Variants in GAB4 observed in about 807,000 individuals in gnomAD.
The protein encoded by GAB4 is GRB2 associated binding protein family member 4.
GAB4 carries 26 observed loss-of-function variants against 51.3 expected under a neutral mutation model. That is an observed-to-expected ratio of 0.51 (90% confidence interval 0.37 to 0.70). The LOEUF (loss-of-function observed/expected upper bound fraction) is 0.70, where lower values mean the gene tolerates loss of function less well. GAB4 is among the 30% of genes least tolerant of loss of function. The pLI is 0.00. For missense variants in GAB4, 759 were observed against 734.6 expected (o/e 1.03, Z -0.38); for synonymous variants, 329 against 291.2 (o/e 1.13, Z -1.32).
chr22:16,997,528 T>C (rs2060959589), intron 1 of GAB4, among the ~76,000 whole-genome samples: 1 of 152,254 alleles, frequency 6.6e-6, no homozygotes, highest in Non-Finnish European at 1.5e-5. Context: ...TCTTTGTAGA[T>C]TCTGGATATT....
intron 3 of GAB4, among the ~76,000 whole-genome samples, chr22:16,984,110 A>T (rs1306370598): frequency 6.6e-6 from 1 of 152,214 alleles, no homozygotes; most frequent in Admixed American, 6.5e-5. Flanking sequence ...ATGGACAAAA[A>T]AATCAAATAA....
chr22:16,986,343 CTG>C (rs2060867508), intron 3 of GAB4, among the ~76,000 whole-genome samples: 1 of 152,240 alleles, frequency 6.6e-6, no homozygotes, highest in Non-Finnish European at 1.5e-5. Flanking sequence ...ACACGAAGCA[CTG>C]TGTCTTTTAC....
Position 16,966,236 on chromosome 22 carries a change from G to C in GAB4, c.1152C>G (p.Ile384Met), listed in dbSNP as rs757955159. Residue 384 changes from isoleucine (I) to methionine (M), a missense_variant, in exon 6 of 10, where the codon ATC becomes ATG. By Grantham distance (10) the Ile-to-Met change is conservative. Around this residue, in one of 3 missense-constraint regions of GAB4, gnomAD observed 588 missense variants for 510.2 expected, o/e 1.15. Transcript: ENST00000400588. ...AGCGAACAAGACATGAGCCCACAGG[G>C]ATGCAGACACCCTGGGAATCATCGC... The part of the protein sequence containing the change: ...QAGDDSQGVC[I>M]PVGSCLVRFD... The C allele has an allele frequency of 5.0e-6, 8 of 1,614,000 alleles. No homozygotes were observed. In the Admixed American group the frequency reaches 1.0e-4, roughly 20 times the overall value.
Position 16,981,946 on chromosome 22 carries a change from T to A in GAB4, c.686+6014A>T, listed in dbSNP as rs151106158. Among the ~76,000 whole-genome samples the A allele has an allele frequency of 4.5e-4, 69 of 152,176 alleles. 1 individual carries two copies. In the East Asian group the frequency reaches 0.012, roughly 26 times the overall value. On this transcript the variant is annotated intron_variant, in intron 3 of 9. Transcript: ENST00000400588. ...AACATGATACACCACATTAATAGAT[T>A]CAAAAACAAAAACCATATGATCATT...
chr22:16,965,177 C>A lies in GAB4; in HGVS notation c.1379+1G>T. ...TCCTGTTTCCACTGACAGACACTCACCTGGTCCCAGACCAGGGCTCTGTGA... is the reference window on the plus strand; with the variant it reads ...TCCTGTTTCCACTGACAGACACTCAACTGGTCCCAGACCAGGGCTCTGTGA... On this transcript the variant is annotated splice_donor_variant, in intron 7 of 9. Coordinates refer to ENST00000400588, the MANE Select transcript of GAB4 (RefSeq NM_001037814.1). LOFTEE classifies it high-confidence loss of function. 1.2e-6 allele frequency: 2 copies of A among 1,610,660 alleles called. No individual in the cohort carries two copies. Among genetic ancestry groups the A allele is most frequent in the South Asian group, 2.2e-5 (2 of 90,734 alleles).
chr22:17,000,604 T>C (rs2060989816), intron 1 of GAB4, among the ~76,000 whole-genome samples: 1 of 152,220 alleles, frequency 6.6e-6, no homozygotes, highest in South Asian at 2.1e-4. Context: ...TTTGCCAGTC[T>C]GTGTCTTTTA....
chr22:16,979,279 C>G (rs1282365968), intron 3 of GAB4, among the ~76,000 whole-genome samples: 2 of 152,156 alleles, frequency 1.3e-5, no homozygotes, highest in Admixed American at 1.3e-4. Flanking sequence ...ACTTAGAAAA[C>G]CCCACTGTCT....
chr22:16,988,474 C>T (rs2060887723), intron 2 of GAB4, among the ~76,000 whole-genome samples: 1 of 152,230 alleles, frequency 6.6e-6, no homozygotes, highest in South Asian at 2.1e-4. Context: ...GCAAGACAGC[C>T]TCTGCAGTGG....
intron 3 of GAB4, among the ~76,000 whole-genome samples, chr22:16,981,550 A>G (rs1160004633): frequency 5.9e-5 from 9 of 152,146 alleles, no homozygotes; most frequent in African/African-American, 2.2e-4. Context: ...TTCCTACACA[A>G]ATACAACCTA....
At chr22:17,007,837 A>C (rs5748800) in intron 1 of GAB4, 104 bp downstream of exon 1, 811,312 of 1,088,600 alleles carry the variant, frequency 0.75, 304,101 homozygotes, top group African/African-American at 0.92. Context: ...AGTCGCCTCC[A>C]CCCGCAGCTC....
At position 16,962,788 on chromosome 22, in the gene GAB4, T is replaced by C. The variant is rs200766797; in HGVS notation, c.1670A>G (p.His557Arg). ...GGACTGCCGCAGGCACATCTGTTCATGCATGGTCTTCTGCAGGGCCTGGGT... is the reference window on the plus strand; with the variant it reads ...GGACTGCCGCAGGCACATCTGTTCACGCATGGTCTTCTGCAGGGCCTGGGT... Reference protein sequence around the residue: ...EKTQALQKTMHEQMCLRQSSE... With the variant: ...EKTQALQKTMREQMCLRQSSE... The change falls in exon 10 of 10, where the codon CAT becomes CGT. Residue 557 changes from histidine (H) to arginine (R), a missense_variant. By Grantham distance (29) the His-to-Arg change is conservative (BLOSUM62 0). Around this residue, in one of 3 missense-constraint regions of GAB4, gnomAD observed 588 missense variants for 510.2 expected, o/e 1.15. Transcript: ENST00000400588. 2.1e-4 allele frequency: 342 copies of C among 1,613,722 alleles called. No homozygotes were observed. Among genetic ancestry groups the C allele is most frequent in the Admixed American group, 3.3e-4 (20 of 60,018 alleles).
intron 3 of GAB4, among the ~76,000 whole-genome samples, chr22:16,978,420 T>C (rs2060798788): frequency 6.6e-6 from 1 of 151,984 alleles, no homozygotes; most frequent in African/African-American, 2.4e-5. Context: ...GCAAATAAAC[T>C]AGAAAATCTA....
chr22:17,006,915 T>A (rs867211557), intron 1 of GAB4, among the ~76,000 whole-genome samples: 1 of 152,090 alleles, frequency 6.6e-6, no homozygotes, highest in Non-Finnish European at 1.5e-5. Context: ...AGATGATGGG[T>A]TGATGGGTGC....
intron 1 of GAB4, among the ~76,000 whole-genome samples, chr22:17,002,802 C>G (rs1463458147): frequency 6.6e-6 from 1 of 152,010 alleles, no homozygotes; most frequent in Non-Finnish European, 1.5e-5. Context: ...ATTGTGCACA[C>G]GTACCCAAAA....
At chr22:16,969,229 C>T (rs2123651995) in intron 4 of GAB4, among the ~76,000 whole-genome samples, 1 of 152,354 alleles carries the variant, frequency 6.6e-6, no homozygotes, top group Non-Finnish European at 1.5e-5. Flanking sequence ...TTTGTTTCAA[C>T]AGTCTGTTAG....
chr22:16,965,126 ACTC>A (rs1473350874), intron 7 of GAB4, 49 bp downstream of exon 7: 10 of 1,350,658 alleles, frequency 7.4e-6, no homozygotes, highest in Non-Finnish European at 9.4e-6. Context: ...CATCCCACTC[ACTC>A]CTCCACCGGC....
rs909133884 is a variant in GAB4, at chr22:16,963,574, C to A, written c.1581+151G>T. The A allele has an allele frequency of 1.9e-5, 12 of 635,206 alleles. No individual in the cohort carries two copies. The African/African-American group carries it at 2.2e-4, about 12-fold the overall frequency. The allele number at this position is 635,206 out of a possible 1,614,324, so 39.3% of individuals were successfully genotyped here. A position where few individuals can be genotyped will look rare whatever the true frequency, so the allele number is the denominator to read the frequency against. The stretch of plus-strand genomic sequence containing the variant: ...GGGAAGGAACAGGAGCCCCGAGATC[C>A]AGATCAGAGCACCACTGAGCATAAG... On this transcript the variant is annotated intron_variant, in intron 9 of 9. Transcript: ENST00000400588.
At chr22:16,991,830 C>G in intron 2 of GAB4, 43 bp downstream of exon 2, 2 of 1,485,886 alleles carry the variant, frequency 1.3e-6, no homozygotes, top group Non-Finnish European at 1.8e-6. Context: ...TGGAGGGCCT[C>G]ATCTCAGCCC....
At chr22:17,000,645 G>A (rs1429643556) in intron 1 of GAB4, among the ~76,000 whole-genome samples, 1 of 152,100 alleles carries the variant, frequency 6.6e-6, no homozygotes, top group African/African-American at 2.4e-5. Context: ...TACGTTTAAG[G>A]TTAATATTGT....
Sources: allele counts gnomAD v4.1 joint callset (sites outside exome capture counted in the v4.1 genomes callset), GRCh38; gene constraint gnomAD v4.1.1; regional missense constraint gnomAD v4.1.1; transcripts MANE v1.5; gene names NCBI Gene and HGNC (gene_info 2026-07-23, HGNC 2026-07-21).